Variants in NRXN3 observed in about 807,000 individuals in gnomAD.
NRXN3 encodes the protein neurexin III.
A neutral mutation model predicts 137.6 loss-of-function variants in NRXN3; 32 were observed. The ratio of observed to expected loss-of-function variants is 0.23; its 90% confidence interval spans 0.18 to 0.31. The LOEUF (loss-of-function observed/expected upper bound fraction) is 0.31. Among genes scored for constraint, NRXN3 ranks in the 10% least tolerant of loss-of-function variants. NRXN3 has a pLI of 1.00. For synonymous variants in NRXN3, 798 were observed against 784.5 expected (o/e 1.02, Z -0.29); for missense variants, 1,574 against 2,062.5 (o/e 0.76, Z 4.59).
intron 4 of NRXN3, among the ~76,000 whole-genome samples, chr14:78,443,715 A>G (rs1356822675): frequency 6.6e-6 from 1 of 152,210 alleles, no homozygotes; most frequent in Non-Finnish European, 1.5e-5. Flanking sequence ...TAAAATGGGT[A>G]AATAATAAAT....
At chr14:79,212,393 T>C (rs1168512036) in intron 15 of NRXN3, among the ~76,000 whole-genome samples, 2 of 152,178 alleles carry the variant, frequency 1.3e-5, no homozygotes, top group African/African-American at 4.8e-5. Context: ...TGGCCTCTGA[T>C]ACTCTCTGTT....
At chr14:78,764,697 G>T (rs1020711963) in intron 8 of NRXN3, among the ~76,000 whole-genome samples, 33 of 152,214 alleles carry the variant, frequency 2.2e-4, no homozygotes, top group African/African-American at 7.2e-4. Context: ...AAGCAGCTTA[G>T]CAGAGGGGAA....
chr14:79,732,136 T>A (rs1045310270), intron 19 of NRXN3, among the ~76,000 whole-genome samples: 1 of 150,028 alleles, frequency 6.7e-6, no homozygotes, highest in African/African-American at 2.5e-5. Flanking sequence ...GTAAACTGGA[T>A]TTTTTTTTAA....
At chr14:79,471,338 T>A (rs1192546774) in intron 16 of NRXN3, among the ~76,000 whole-genome samples, 1 of 152,178 alleles carries the variant, frequency 6.6e-6, no homozygotes, top group Non-Finnish European at 1.5e-5. Context: ...GTAGGAGATC[T>A]AGCTTCCATT....
rs77775730 is a variant in NRXN3 at position 78,641,482 on chromosome 14, G to T, written c.758-3638G>T. ...GCGAGACTCTGTCTCAAGAAAAAAA[G>T]AAAAGGACTGGGTTATGCATTGCTA... On this transcript the variant is annotated intron_variant, in intron 4 of 20. Transcript: ENST00000335750. Among the ~76,000 whole-genome samples, 824 of 152,258 alleles carry T rather than the reference G, an allele frequency of 5.4e-3. 6 individuals are homozygous for T. The highest frequency in any genetic ancestry group is 8.9e-3 in the South Asian group (43 of 4,824).
chr14:79,259,581 C>T (rs1240207066), intron 15 of NRXN3, among the ~76,000 whole-genome samples: 1 of 145,844 alleles, frequency 6.9e-6, no homozygotes, highest in African/African-American at 2.5e-5. Context: ...CTATATATAG[C>T]TATATATAGA....
chr14:79,829,907 T>C (rs1167847472), intron 20 of NRXN3, among the ~76,000 whole-genome samples: 1 of 152,236 alleles, frequency 6.6e-6, no homozygotes, highest in Non-Finnish European at 1.5e-5. Flanking sequence ...ACACTCTGAA[T>C]AGAGAAGATA....
At chr14:78,777,942 T>C (rs1238982990) in intron 8 of NRXN3, among the ~76,000 whole-genome samples, 1 of 151,366 alleles carries the variant, frequency 6.6e-6, no homozygotes, top group Non-Finnish European at 1.5e-5. Context: ...TTTGTAGTTT[T>C]AGTAGAGACA....
intron 14 of NRXN3, among the ~76,000 whole-genome samples, chr14:78,980,032 T>C (rs981183830): frequency 7.2e-5 from 11 of 152,234 alleles, no homozygotes; most frequent in African/African-American, 2.7e-4. Context: ...ATGGAAGCTG[T>C]GGTTTGTTGG....
At chr14:78,491,041 C>G (rs549092056) in intron 4 of NRXN3, among the ~76,000 whole-genome samples, 18 of 152,128 alleles carry the variant, frequency 1.2e-4, no homozygotes, top group Non-Finnish European at 2.1e-4. Flanking sequence ...AAGGGTGTTT[C>G]GACCTATTCA....
At chr14:78,900,637 A>G (rs1463554343) in intron 10 of NRXN3, among the ~76,000 whole-genome samples, 2 of 151,924 alleles carry the variant, frequency 1.3e-5, no homozygotes, top group African/African-American at 2.4e-5. Context: ...ATAAAATAGT[A>G]TTATCAATGT....
intron 15 of NRXN3, among the ~76,000 whole-genome samples, chr14:79,133,491 T>C (rs1375343181): frequency 1.3e-5 from 2 of 152,232 alleles, no homozygotes; most frequent in Admixed American, 1.3e-4. Flanking sequence ...TTTGTGTTTT[T>C]CTGCTTAACT....
intron 8 of NRXN3, among the ~76,000 whole-genome samples, chr14:78,783,883 G>A (rs2098779226): frequency 6.6e-6 from 1 of 152,084 alleles, no homozygotes; most frequent in Non-Finnish European, 1.5e-5. Context: ...GTAGCACTCA[G>A]GATAGGCTTC....
intron 4 of NRXN3, among the ~76,000 whole-genome samples, chr14:78,325,672 A>T (rs917557071): frequency 4.0e-5 from 6 of 150,882 alleles, no homozygotes; most frequent in African/African-American, 1.5e-4. Flanking sequence ...CATAGGGTGT[A>T]AAAAAAAAGC....
chr14:79,381,153 T>C (rs1402770296), intron 15 of NRXN3, among the ~76,000 whole-genome samples: 1 of 152,060 alleles, frequency 6.6e-6, no homozygotes, highest in African/African-American at 2.4e-5. Flanking sequence ...GAGATCAGTT[T>C]GTAAGAATTC....
At chr14:78,244,907 T>C (rs2153454830) in intron 2 of NRXN3, among the ~76,000 whole-genome samples, 1 of 152,336 alleles carries the variant, frequency 6.6e-6, no homozygotes, top group South Asian at 2.1e-4. Flanking sequence ...GAGGCTTAGG[T>C]TGCCCTCCCT....
chr14:79,650,400 G>A (rs1021198688), intron 16 of NRXN3, among the ~76,000 whole-genome samples: 1 of 151,980 alleles, frequency 6.6e-6, no homozygotes, highest in Non-Finnish European at 1.5e-5. Flanking sequence ...CCCCATCAGC[G>A]ATCTATATTT....
chr14:78,376,949 A>G (rs1461055121), intron 4 of NRXN3, among the ~76,000 whole-genome samples: 1 of 152,364 alleles, frequency 6.6e-6, no homozygotes, highest in African/African-American at 2.4e-5. Flanking sequence ...ATGTAAAAAC[A>G]TTATGGACAA....
chr14:79,842,136 G>A (rs2099357116), intron 20 of NRXN3, among the ~76,000 whole-genome samples: 2 of 152,178 alleles, frequency 1.3e-5, no homozygotes, highest in African/African-American at 4.8e-5. Context: ...ATTACTATGT[G>A]CCTGGCGCTG....
Sources: gnomAD v4.1 joint callset for allele counts (sites outside exome capture counted in the v4.1 genomes callset) on GRCh38, gnomAD v4.1.1 for gene constraint, MANE v1.5 for transcripts, NCBI Gene and HGNC (gene_info 2026-07-23, HGNC 2026-07-21) for gene names.